Variants in IKZF4 observed in about 807,000 individuals in gnomAD.
IKZF4 encodes the protein zinc finger protein Eos.
Under a neutral mutation model 47.7 loss-of-function variants are expected in IKZF4, and 11 were observed. That is an observed-to-expected ratio of 0.23 (90% CI 0.15 to 0.38). IKZF4 has a LOEUF of 0.38. IKZF4 is among the 10% of genes least tolerant of loss of function. IKZF4 has a pLI of 1.00. For synonymous variants in IKZF4, 298 were observed against 299.4 expected (o/e 1.00, Z 0.05); for missense variants, 557 against 784.9 (o/e 0.71, Z 3.47).
intron 2 of IKZF4, chr12:56,011,702 T>C (rs1891341770): frequency 6.6e-6 from 1 of 152,218 alleles, no homozygotes; most frequent in African/African-American, 2.4e-5. Context: ...AGTCAGACCT[T>C]TCCACTGTAA....
At chr12:56,031,209 C>T (rs1894865353) in intron 5 of IKZF4, among the ~76,000 whole-genome samples, 1 of 152,130 alleles carries the variant, frequency 6.6e-6, no homozygotes. Flanking sequence ...CGAGATCGTG[C>T]CACTGCACTC....
In IKZF4 at chr12:56,032,192, T is replaced by C. The variant is rs544370959; in HGVS notation, c.716-369T>C. The C allele has an allele frequency of 1.1e-3, 206 of 194,060 alleles. 1 individual carries two copies. The highest frequency in any genetic ancestry group is 4.2e-3 in the Middle Eastern group (2 of 474). The allele number at this position is 194,060 out of a possible 1,614,324, so 12.0% of individuals were successfully genotyped here. A position where few individuals can be genotyped will look rare whatever the true frequency, so the allele number is the denominator to read the frequency against. Reference sequence around the variant, plus strand: ...CAAATGGAAAGGTTAAACCACAGTCTGGGCCCCAGACTCTGAGATCCTGCA... The same window carrying C: ...CAAATGGAAAGGTTAAACCACAGTCCGGGCCCCAGACTCTGAGATCCTGCA... On this transcript the variant is annotated intron_variant, in intron 5 of 7. Transcript: ENST00000547167.
chr12:56,032,851 A>G, intron 6 of IKZF4, 141 bp downstream of exon 6: 4 of 1,038,668 alleles, frequency 3.9e-6, no homozygotes, highest in Non-Finnish European at 5.7e-6. Flanking sequence ...TCTGCCAAAC[A>G]CCCCATTCTA....
chr12:56,026,897 C>G lies in IKZF4; in HGVS notation c.403C>G (p.Pro135Ala), dbSNP rs747017110. ...SVIVEDSLSEPLGYCDGSGPE... is the reference protein window; with the variant it reads ...SVIVEDSLSEALGYCDGSGPE... ...GATTGTGGAAGATTCATTGTCTGAGCCCCTGGGCTACTGTGATGGGAGTGG... is the reference window on the plus strand; with the variant it reads ...GATTGTGGAAGATTCATTGTCTGAGGCCCTGGGCTACTGTGATGGGAGTGG... Residue 135 changes from proline to alanine, a missense_variant, in exon 4 of 8, where the codon CCC (proline) becomes GCC (alanine). Transcript: ENST00000547167. The G allele has an allele frequency of 2.5e-6, 4 of 1,613,272 alleles. No individual in the cohort carries two copies. The highest frequency in any genetic ancestry group is 3.4e-6 in the Non-Finnish European group (4 of 1,179,670).
Position 56,023,780 on chromosome 12 carries a change from G to T in IKZF4, c.181+16G>T. ...TTTTGTGAAAGTAAGTATGTGCATA[G>T]CTGGGCAATTGGGTAAAGTACTAAT... On this transcript the variant is annotated intron_variant, in intron 2 of 7. Coordinates refer to ENST00000547167, the MANE Select transcript of IKZF4 (RefSeq NM_022465.4). The T allele has an allele frequency of 6.2e-7, 1 of 1,611,794 alleles. No homozygotes were observed. Among genetic ancestry groups the T allele is most frequent in the South Asian group, 1.1e-5 (1 of 90,684 alleles).
intron 1 of IKZF4, among the ~76,000 whole-genome samples, 170 bp from the exon 2 acceptor site, chr12:56,023,501 C>T (rs899992500): frequency 2.0e-5 from 3 of 152,160 alleles, no homozygotes; most frequent in African/African-American, 7.2e-5. Flanking sequence ...ACCTAAAAAG[C>T]CCCAGCTGGG....
At chr12:56,028,002 A>G in intron 5 of IKZF4, 55 bp downstream of exon 5, 1 of 1,482,206 alleles carries the variant, frequency 6.7e-7, no homozygotes, top group Non-Finnish European at 9.0e-7. Flanking sequence ...CCCAGTATGT[A>G]GAGCTCAGTG....
chr12:56,033,678 T>C (rs943647175), intron 7 of IKZF4, among the ~76,000 whole-genome samples: 2 of 151,562 alleles, frequency 1.3e-5, no homozygotes, highest in Non-Finnish European at 2.9e-5. Context: ...CTGCACTCCA[T>C]CCATCCTGGG....
In IKZF4 at chr12:56,033,297, C is replaced by T. The variant is rs368238136; in HGVS notation, c.973C>T (p.Arg325Cys). Residue 325 changes from arginine (R) to cysteine (C), a missense_variant, in exon 7 of 8, where the codon CGT becomes TGT. This residue lies in a region of IKZF4 where 280 missense variants were observed against 314.0 expected (regional missense o/e 0.89). Transcript: ENST00000547167. ...GGCCAATAGCCTCACCAAACGCAAG[C>T]GTTCCACACCCCAGAAGTTTGTAGG... ...RLANSLTKRK[R>C]STPQKFVGEK... 13 of 1,613,904 alleles carry T rather than the reference C, an allele frequency of 8.1e-6. No homozygotes were observed. Among genetic ancestry groups the T allele is most frequent in the East Asian group, 2.2e-5 (1 of 44,898 alleles).
intron 3 of IKZF4, among the ~76,000 whole-genome samples, chr12:56,025,498 C>A (rs966254377): frequency 6.6e-6 from 1 of 152,192 alleles, no homozygotes; most frequent in Non-Finnish European, 1.5e-5. Context: ...ACCTCCCCAT[C>A]TCCCCACAGC....
In IKZF4 at chr12:56,025,090, G is replaced by A. The variant is rs747510828; in HGVS notation, c.218G>A (p.Gly73Glu). 15 of 1,601,412 alleles carry A rather than the reference G, an allele frequency of 9.4e-6. No homozygotes were observed. The highest frequency in any genetic ancestry group is 2.3e-5 in the East Asian group (1 of 44,350). Residue 73 changes from glycine (G) to glutamate (E), a missense_variant, in exon 3 of 8, where the codon GGG becomes GAG. Physicochemically the swap from Gly to Glu is moderately conservative, Grantham distance 98 (BLOSUM62 -2). Around this residue, in one of 6 missense-constraint regions of IKZF4, gnomAD observed 112 missense variants for 168.2 expected, o/e 0.67. Coordinates refer to ENST00000547167, the MANE Select transcript of IKZF4 (RefSeq NM_022465.4). The part of the protein sequence containing the change: ...GDSSLEKEFL[G>E]APVGPSVSTP... Reference sequence around the variant, plus strand: ...TCATCTCTGGAGAAGGAGTTCCTCGGGGCCCCAGTGGGGCCCTCGGTGAGC... The same window carrying A: ...TCATCTCTGGAGAAGGAGTTCCTCGAGGCCCCAGTGGGGCCCTCGGTGAGC...
chr12:56,022,570 A>C (rs1251980999), intron 1 of IKZF4, among the ~76,000 whole-genome samples: 1 of 152,178 alleles, frequency 6.6e-6, no homozygotes, highest in Non-Finnish European at 1.5e-5. Flanking sequence ...CTAGAATTCA[A>C]AATCCTTGGT....
At chr12:56,014,229 A>T (rs1239920217) in intron 2 of IKZF4, among the ~76,000 whole-genome samples, 1 of 152,204 alleles carries the variant, frequency 6.6e-6, no homozygotes, top group Non-Finnish European at 1.5e-5. Flanking sequence ...AAGTACAGCT[A>T]AGTACTGATT....
intron 3 of IKZF4, among the ~76,000 whole-genome samples, chr12:56,026,256 C>A (rs767034292): frequency 7.9e-5 from 12 of 151,792 alleles, no homozygotes; most frequent in Non-Finnish European, 1.6e-4. Flanking sequence ...TCTCTTGAAG[C>A]CTATTTGCCT....
chr12:56,014,224 C>T (rs1478722604), intron 2 of IKZF4, among the ~76,000 whole-genome samples: 1 of 151,690 alleles, frequency 6.6e-6, no homozygotes, highest in Non-Finnish European at 1.5e-5. Context: ...CAGCTAAGTA[C>T]AGCTAAGTAC....
intron 2 of IKZF4, among the ~76,000 whole-genome samples, chr12:56,013,246 AGTGCAATGGCGTG>A (rs1354685913): frequency 6.6e-6 from 1 of 151,988 alleles, no homozygotes; most frequent in Non-Finnish European, 1.5e-5. Context: ...CCCAGGCTGG[AGTGCAATGGCGTG>A]ATCTCGGCTC....
chr12:56,010,659 T>C (rs1375264256), intron 1 of IKZF4: 2 of 152,142 alleles, frequency 1.3e-5, no homozygotes, highest in East Asian at 1.9e-4. Flanking sequence ...AGATTTAATA[T>C]AGTGTTCCAG....
intron 1 of IKZF4, chr12:56,010,349 G>A (rs1891193635): frequency 1.3e-5 from 2 of 152,154 alleles, no homozygotes; most frequent in Admixed American, 1.3e-4. Flanking sequence ...GAATGACCTG[G>A]TCCAGCTGCG....
chr12:56,026,952 G>C lies in IKZF4; in HGVS notation c.458G>C (p.Arg153Pro). The change falls in exon 4 of 8, where the codon CGG becomes CCG. Residue 153 changes from arginine to proline, a missense_variant. By Grantham distance (103) the Arg-to-Pro change is moderately radical. Transcript: ENST00000547167. ...GAGCCTCACTCCCCTGGGGGCATCC[G>C]GCTGCCCAATGGCAAGCTCAAGTGT... is the stretch of plus-strand genomic sequence containing the variant. ...GPEPHSPGGI[R>P]LPNGKLKCDV... 6.2e-7 allele frequency: 1 copy of C among 1,611,548 alleles called. No homozygotes were observed.
Sources: allele counts gnomAD v4.1 joint callset (sites outside exome capture counted in the v4.1 genomes callset), GRCh38; gene constraint gnomAD v4.1.1; regional missense constraint gnomAD v4.1.1; transcripts MANE v1.5; gene names NCBI Gene and HGNC (gene_info 2026-07-23, HGNC 2026-07-21).